ZMYM2: variants seen among roughly 807,000 people sequenced by gnomAD.
ZMYM2 encodes the protein zinc finger MYM-type containing 2, also known as zinc finger MYM-type protein 2.
Under a neutral mutation model 162.8 loss-of-function variants are expected in ZMYM2, and 56 were observed. That is an observed-to-expected ratio of 0.34 (90% CI 0.28 to 0.43). The LOEUF is 0.43. Among genes scored for constraint, ZMYM2 ranks in the 20% least tolerant of loss-of-function variants. The pLI, the probability that ZMYM2 is intolerant of heterozygous loss-of-function variation, is 1.00. For synonymous variants in ZMYM2, 510 were observed against 541.6 expected (o/e 0.94, Z 0.81); for missense variants, 1,275 against 1,621.8 (o/e 0.79, Z 3.67).
chr13:19,918,876 T>G, the ZMYM2 span, among the ~76,000 whole-genome samples: 1 of 152,134 alleles, frequency 6.6e-6, no homozygotes, highest in African/African-American at 2.4e-5. Flanking sequence ...AGAAAATTGG[T>G]ATCGGTACAT....
At chr13:19,970,025 G>A in intron 2 of ZMYM2, 1 of 985,102 alleles carries the variant, frequency 1.0e-6, no homozygotes, top group Non-Finnish European at 1.2e-6. Context: ...GTTTCTTTAG[G>A]TTAGATGAGG....
At chr13:19,901,712 T>G in the ZMYM2 span, among the ~76,000 whole-genome samples, 2 of 152,108 alleles carry the variant, frequency 1.3e-5, no homozygotes, top group Non-Finnish European at 2.9e-5. Context: ...CCTGACCTCG[T>G]GATCCACCCA....
At chr13:19,902,355 G>A in the ZMYM2 span, among the ~76,000 whole-genome samples, 4 of 152,198 alleles carry the variant, frequency 2.6e-5, no homozygotes, top group African/African-American at 7.2e-5. Flanking sequence ...GGTGGCTCAC[G>A]CCTGTAATCC....
chr13:20,005,876 TTTTTTTC>T (rs146769284), intron 5 of ZMYM2, among the ~76,000 whole-genome samples: 1 of 152,260 alleles, frequency 6.6e-6, no homozygotes, highest in East Asian at 1.9e-4. Flanking sequence ...CACTGATGGG[TTTTTTTC>T]TTTTTTCAGT....
At chr13:19,920,132 A>G in the ZMYM2 span, among the ~76,000 whole-genome samples, 1 of 152,114 alleles carries the variant, frequency 6.6e-6, no homozygotes, top group African/African-American at 2.4e-5. Context: ...AAAGTTATGT[A>G]TCTATGTAGG....
At chr13:20,058,070 G>A (rs1007068375) in intron 14 of ZMYM2, among the ~76,000 whole-genome samples, 18 of 152,154 alleles carry the variant, frequency 1.2e-4, no homozygotes, top group Admixed American at 5.2e-4. Flanking sequence ...TTGCTGGGCC[G>A]CAGGAAATAC....
intron 2 of ZMYM2, among the ~76,000 whole-genome samples, chr13:19,985,554 A>G (rs1949063817): frequency 6.6e-6 from 1 of 151,852 alleles, no homozygotes; most frequent in South Asian, 2.1e-4. Flanking sequence ...AAACAATAAG[A>G]GCTGTGGCCA....
chr13:19,897,072 C>CA, the ZMYM2 span, among the ~76,000 whole-genome samples: 16,066 of 111,114 alleles, frequency 0.14, 1,073 homozygotes, highest in Middle Eastern at 0.19. Flanking sequence ...GACTCTGCCT[C>CA]AAAAAAAAAA....
chr13:19,913,820 C>T, the ZMYM2 span, among the ~76,000 whole-genome samples: 1 of 152,196 alleles, frequency 6.6e-6, no homozygotes, highest in East Asian at 1.9e-4. Flanking sequence ...CGCCTGAATG[C>T]CCATGATAGC....
chr13:19,935,379 C>T, the ZMYM2 span, among the ~76,000 whole-genome samples: 2 of 151,972 alleles, frequency 1.3e-5, no homozygotes, highest in Non-Finnish European at 2.9e-5. Context: ...TCAAGTGATC[C>T]GCCTGCCTCA....
chr13:19,917,085 C>A, the ZMYM2 span, among the ~76,000 whole-genome samples: 1 of 152,004 alleles, frequency 6.6e-6, no homozygotes, highest in African/African-American at 2.4e-5. Context: ...GCTTCAGTCT[C>A]CGGAGTAGCT....
rs768999701 is a variant in ZMYM2 at position 19,993,362 on chromosome 13, C to A, written c.290C>A (p.Ser97Tyr). ...SKNEELQGND[S>Y]KITPSSKELA... ...AATGAAGAACTACAAGGAAATGATT[C>A]CAAAATTACTCCTTCCTCAAAAGAG... Residue 97 changes from serine (S) to tyrosine (Y), a missense_variant, in exon 3 of 25, where the codon TCC (serine) becomes TAC (tyrosine). Physicochemically the swap from Ser to Tyr is moderately radical, Grantham distance 144 (BLOSUM62 -2). This residue lies in a region of ZMYM2 where 295 missense variants were observed against 286.7 expected (regional missense o/e 1.03). Transcript: ENST00000610343. 3.1e-6 allele frequency: 5 copies of A among 1,613,608 alleles called. No individual in the cohort carries two copies. In the East Asian group the frequency reaches 1.1e-4, roughly 36 times the overall value.
intron 2 of ZMYM2, among the ~76,000 whole-genome samples, chr13:19,982,324 G>A (rs571817517): frequency 8.9e-6 from 1 of 112,974 alleles, no homozygotes; most frequent in East Asian, 2.9e-4. Flanking sequence ...GTCTCGCTCT[G>A]TCACTTAGAC....
At chr13:19,967,542 A>T (rs890147307) in intron 2 of ZMYM2, among the ~76,000 whole-genome samples, 2 of 152,224 alleles carry the variant, frequency 1.3e-5, no homozygotes, top group Non-Finnish European at 1.5e-5. Context: ...AAGTATATAC[A>T]TTTAATACAT....
intron 12 of ZMYM2, among the ~76,000 whole-genome samples, chr13:20,051,043 A>G (rs1955279206): frequency 6.6e-6 from 1 of 152,098 alleles, no homozygotes; most frequent in Admixed American, 6.5e-5. Flanking sequence ...TTGTACAACT[A>G]ACCTGGGAAA....
At chr13:19,884,824 T>A in the ZMYM2 span, among the ~76,000 whole-genome samples, 2 of 151,918 alleles carry the variant, frequency 1.3e-5, no homozygotes, top group Non-Finnish European at 2.9e-5. Context: ...CAACAAACAT[T>A]CCAGCAGTAA....
At chr13:20,061,904 A>G (rs1298134447) in intron 17 of ZMYM2, among the ~76,000 whole-genome samples, 2 of 152,100 alleles carry the variant, frequency 1.3e-5, no homozygotes, top group African/African-American at 4.8e-5. Context: ...TTTATTGCTT[A>G]TACTAATAAA....
intron 6 of ZMYM2, among the ~76,000 whole-genome samples, chr13:20,016,920 T>G (rs1442995029): frequency 6.6e-6 from 1 of 152,232 alleles, no homozygotes; most frequent in Admixed American, 6.5e-5. Flanking sequence ...TCAGATAATC[T>G]TTTGCCCCTT....
chr13:19,928,086 G>C, the ZMYM2 span, among the ~76,000 whole-genome samples: 5 of 152,050 alleles, frequency 3.3e-5, no homozygotes, highest in African/African-American at 9.7e-5. Flanking sequence ...GCTCGCTGCA[G>C]CCTCGACTTT....
Sources: gnomAD v4.1 joint callset for allele counts (sites outside exome capture counted in the v4.1 genomes callset) on GRCh38, gnomAD v4.1.1 for gene constraint, gnomAD v4.1.1 regional missense constraint, MANE v1.5 for transcripts, NCBI Gene and HGNC (gene_info 2026-07-23, HGNC 2026-07-21) for gene names.